The following ZNF729 variants were observed in gnomAD, a reference collection of about 807,000 sequenced individuals.
The protein encoded by ZNF729 is zinc finger protein 729.
ZNF729 carries 15 observed loss-of-function variants against 12.2 expected under a neutral mutation model. The observed-to-expected ratio is 1.23, with a 90% CI of 0.82 to 1.89. ZNF729 has a LOEUF of 1.89. Ranked by LOEUF, ZNF729 falls within the 40% of genes most tolerant of loss-of-function variation. The pLI is 0.00. For missense variants in ZNF729, 1,540 were observed against 1,456.7 expected (o/e 1.06, Z -0.93); for synonymous variants, 492 against 476.3 (o/e 1.03, Z -0.43).
At chr19:22,306,536 T>A (rs1189081457) in intron 3 of ZNF729, among the ~76,000 whole-genome samples, 4 of 151,082 alleles carry the variant, frequency 2.6e-5, no homozygotes, top group Non-Finnish European at 5.9e-5. Context: ...CATTTCTTGT[T>A]TAACTATTTT....
chr19:22,315,978 G>T lies in ZNF729; in HGVS notation c.2561G>T (p.Cys854Phe). The T allele has an allele frequency of 1.2e-6, 2 of 1,611,290 alleles. No homozygotes were observed. Among genetic ancestry groups the T allele is most frequent in the African/African-American group, 2.7e-5 (2 of 74,954 alleles). Residue 854 changes from cysteine to phenylalanine, a missense_variant, in exon 4 of 4, where the codon TGT (cysteine) becomes TTT (phenylalanine). Coordinates refer to ENST00000601693, the MANE Select transcript of ZNF729 (RefSeq NM_001242680.2). ...CATACTGGAAAGAAACCCTACAAATGTGAAGAATGTGGCAAAGCTTTTAGC... is the reference window on the plus strand; with the variant it reads ...CATACTGGAAAGAAACCCTACAAATTTGAAGAATGTGGCAAAGCTTTTAGC... ...VIHTGKKPYK[C>F]EECGKAFSQS...
chr19:22,289,423 C>A (rs1013804453), intron 1 of ZNF729, among the ~76,000 whole-genome samples: 8 of 151,896 alleles, frequency 5.3e-5, no homozygotes, highest in African/African-American at 1.9e-4. Flanking sequence ...GATGGGGTTT[C>A]ACCGTGTTAG....
intron 3 of ZNF729, among the ~76,000 whole-genome samples, chr19:22,308,331 CAT>C (rs908375563): frequency 4.3e-4 from 65 of 152,264 alleles, no homozygotes; most frequent in African/African-American, 1.5e-3. Flanking sequence ...CTGCTATAAA[CAT>C]GTGTGCAAGT....
chr19:22,304,075 G>A (rs1599756202), intron 2 of ZNF729, among the ~76,000 whole-genome samples, 191 bp downstream of exon 2: 1 of 109,856 alleles, frequency 9.1e-6, no homozygotes, highest in Non-Finnish European at 1.8e-5. Flanking sequence ...TTTCACTCTT[G>A]TTGCCTAGGC....
In ZNF729 at chr19:22,314,987, G is replaced by A. The variant is rs770510992; in HGVS notation, c.1570G>A (p.Ala524Thr). 1.9e-6 allele frequency: 3 copies of A among 1,611,978 alleles called. No individual in the cohort carries two copies. Among genetic ancestry groups the A allele is most frequent in the Admixed American group, 1.7e-5 (1 of 59,968 alleles). ...CTACAAATGTGAAGAATGTGGGAAA[G>A]CTTTTAGCCAGTCCTCAACCCTTAG... ...KPYKCEECGK[A>T]FSQSSTLRNH... The change falls in exon 4 of 4, where the codon GCT (alanine) becomes ACT (threonine). Residue 524 changes from alanine to threonine, a missense_variant. Transcript: ENST00000601693.
chr19:22,287,447 G>A (rs1031036319), intron 1 of ZNF729, among the ~76,000 whole-genome samples: 2 of 151,792 alleles, frequency 1.3e-5, no homozygotes, highest in African/African-American at 4.8e-5. Context: ...TGTATTTTTA[G>A]TAGAGACGGG....
In ZNF729 at chr19:22,301,193, T is replaced by A. The variant is rs58416577; in HGVS notation, c.31-2565T>A. ...ATGTTATTCCTGTAAATAATAAAAA[T>A]TTCTGACAAACAACTTTGTATCAAC... is the stretch of plus-strand genomic sequence containing the variant. On this transcript the variant is annotated intron_variant, in intron 1 of 3. Transcript: ENST00000601693. 4.3e-3 allele frequency among the ~76,000 whole-genome samples: 651 copies of A among 152,288 alleles called. 3 individuals carry two copies. Among genetic ancestry groups the A allele is most frequent in the African/African-American group, 0.015 (623 of 41,568 alleles).
chr19:22,295,038 T>TTGTGTGTGTGTGTGTG lies in ZNF729; in HGVS notation c.30+8503_30+8518dup, dbSNP rs71180536. On this transcript the variant is annotated intron_variant, in intron 1 of 3. Transcript: ENST00000601693. ...TCTGGTTAGGTGTACTCCTAGATATTTGTGTGTGTGTGTGTGTGTGTGTGT... is the reference window on the plus strand; with the variant it reads ...TCTGGTTAGGTGTACTCCTAGATATTTGTGTGTGTGTGTGTGTGTGTGTGTGTGTGTGTGTGTGTGT... 4.5e-3 allele frequency among the ~76,000 whole-genome samples: 642 copies of TTGTGTGTGTGTGTGTG among 144,108 alleles called. 10 individuals are homozygous for TTGTGTGTGTGTGTGTG. Among genetic ancestry groups the TTGTGTGTGTGTGTGTG allele is most frequent in the African/African-American group, 0.016 (614 of 38,922 alleles). The allele number at this position is 144,108 out of a possible 152,430, so 94.5% of individuals were successfully genotyped here.
At chr19:22,300,165 A>T (rs1364893409) in intron 1 of ZNF729, among the ~76,000 whole-genome samples, 1 of 152,198 alleles carries the variant, frequency 6.6e-6, no homozygotes, top group East Asian at 1.9e-4. Flanking sequence ...TTTCATGAAG[A>T]TGTGAAAAGT....
At chr19:22,289,520 C>T (rs968021004) in intron 1 of ZNF729, among the ~76,000 whole-genome samples, 4 of 152,030 alleles carry the variant, frequency 2.6e-5, no homozygotes, top group Admixed American at 6.6e-5. Context: ...CCACTGCGCC[C>T]GGCAAAAATT....
At chr19:22,304,856 ATG>A in intron 3 of ZNF729, 73 bp downstream of exon 3, 1 of 1,457,162 alleles carries the variant, frequency 6.9e-7, no homozygotes, top group Non-Finnish European at 9.3e-7. Context: ...AGTTCTCAAA[ATG>A]TGACCTGAGA....
At position 22,302,531 on chromosome 19, in the gene ZNF729, A is replaced by C. The variant is rs375095920; in HGVS notation, c.31-1227A>C. The stretch of plus-strand genomic sequence containing the variant: ...AAAATTACCCTAGGAACCATAAAAG[A>C]CTGGTTTAAATTGCTTATTAGTATA... On this transcript the variant is annotated intron_variant, in intron 1 of 3. Coordinates refer to ENST00000601693, the MANE Select transcript of ZNF729 (RefSeq NM_001242680.2). 0.01 allele frequency among the ~76,000 whole-genome samples: 48 copies of C among 4,730 alleles called. No homozygotes were observed. The Non-Finnish European group carries it at 0.22, about 21-fold the overall frequency. 3.1% of individuals were successfully genotyped at this position (4,730 alleles called of 152,430 possible). A position where few individuals can be genotyped will look rare whatever the true frequency, so the allele number is the denominator to read the frequency against.
chr19:22,314,531 G>A lies in ZNF729; in HGVS notation c.1114G>A (p.Gly372Arg), dbSNP rs1420027529. ...TAGAAAACATGAGATAATTCATACT[G>A]GAGAGAAACCCTACAAATGTGAAGA... ...TLRKHEIIHT[G>R]EKPYKCEECG... Residue 372 changes from glycine (G) to arginine (R), a missense_variant, in exon 4 of 4, where the codon GGA becomes AGA. Transcript: ENST00000601693. The A allele has an allele frequency of 1.9e-6, 3 of 1,610,878 alleles. No individual in the cohort carries two copies. Among genetic ancestry groups the A allele is most frequent in the Admixed American group, 1.7e-5 (1 of 59,720 alleles).
chr19:22,306,979 T>A (rs1291897903), intron 3 of ZNF729, among the ~76,000 whole-genome samples: 2 of 151,908 alleles, frequency 1.3e-5, no homozygotes, highest in Admixed American at 6.6e-5. Context: ...TTACATTTAA[T>A]AGAAAGCTAT....
At position 22,316,303 on chromosome 19, in the gene ZNF729, A is replaced by G. The variant is rs761875109; in HGVS notation, c.2886A>G (p.Lys962=). The part of the protein sequence containing the change: ...MKHKIIHTGK[K]PYKCAECGKA... ...ATAAGATAATTCATACTGGGAAGAA[A>G]CCATACAAATGTGCAGAATGTGGCA... Residue 962 remains lysine, a synonymous_variant, in exon 4 of 4, where the codon AAA becomes AAG. Transcript: ENST00000601693. The G allele has an allele frequency of 3.1e-6, 5 of 1,613,552 alleles. No homozygotes were observed. The highest frequency in any genetic ancestry group is 4.2e-6 in the Non-Finnish European group (5 of 1,179,732).
Position 22,316,330 on chromosome 19 carries a change from A to T in ZNF729, c.2913A>T (p.Lys971Asn), listed in dbSNP as rs1968541027. 1 of 1,613,762 alleles carries T rather than the reference A, an allele frequency of 6.2e-7. No individual in the cohort carries two copies. Reference protein sequence around the residue: ...KKPYKCAECGKAFKQSSHLTR... With the variant: ...KKPYKCAECGNAFKQSSHLTR... The stretch of plus-strand genomic sequence containing the variant: ...CATACAAATGTGCAGAATGTGGCAA[A>T]GCTTTTAAGCAATCCTCACATCTTA... The change falls in exon 4 of 4, where the codon AAA becomes AAT. Residue 971 changes from lysine to asparagine, a missense_variant. By Grantham distance (94) the Lys-to-Asn change is moderately conservative. Coordinates refer to ENST00000601693, the MANE Select transcript of ZNF729 (RefSeq NM_001242680.2).
At chr19:22,309,264 G>A (rs1433628780) in intron 3 of ZNF729, among the ~76,000 whole-genome samples, 2 of 152,108 alleles carry the variant, frequency 1.3e-5, no homozygotes, top group South Asian at 4.1e-4. Context: ...GACCAAGGTG[G>A]TGAAACCCCA....
At chr19:22,298,397 A>G (rs2145046208) in intron 1 of ZNF729, among the ~76,000 whole-genome samples, 1 of 152,316 alleles carries the variant, frequency 6.6e-6, no homozygotes, top group Middle Eastern at 3.4e-3. Flanking sequence ...AGTTATTTAT[A>G]CTTAGATATT....
At chr19:22,292,199 C>A (rs544919991) in intron 1 of ZNF729, among the ~76,000 whole-genome samples, 6 of 152,278 alleles carry the variant, frequency 3.9e-5, no homozygotes, top group African/African-American at 1.4e-4. Context: ...GTCCTCCATC[C>A]TCCACCCTTA....
Sources: gnomAD v4.1 joint callset for allele counts (sites outside exome capture counted in the v4.1 genomes callset) on GRCh38, gnomAD v4.1.1 for gene constraint, MANE v1.5 for transcripts, NCBI Gene and HGNC (gene_info 2026-07-23, HGNC 2026-07-21) for gene names.